Variants in ZNF654 observed in about 807,000 individuals in gnomAD.
ZNF654 encodes melanoma-associated antigen.
A neutral mutation model predicts 95.3 loss-of-function variants in ZNF654; 19 were observed. The observed-to-expected ratio is 0.20, with a 90% CI of 0.14 to 0.29. ZNF654 has a LOEUF of 0.29. Among genes scored for constraint, ZNF654 ranks in the 10% least tolerant of loss-of-function variants. The pLI is 1.00. For synonymous variants in ZNF654, 413 were observed against 457.9 expected, an observed-to-expected ratio of 0.90 and a Z score of 1.25; for missense variants, 1,046 against 1,341.0, an observed-to-expected ratio of 0.78 and a Z score of 3.44.
chr3:88,122,605 A>C (rs1705835136), intron 3 of ZNF654, among the ~76,000 whole-genome samples: 1 of 152,210 alleles, frequency 6.6e-6, no homozygotes. Context: ...TAAGGGGATT[A>C]TATTTAGCAC....
intron 7 of ZNF654, among the ~76,000 whole-genome samples, chr3:88,136,910 G>A (rs994650452): frequency 1.3e-5 from 2 of 152,050 alleles, no homozygotes; most frequent in Non-Finnish European, 2.9e-5. Context: ...GATAGAGGAT[G>A]TAGGCTGGGC....
intron 7 of ZNF654, 145 bp from the exon 8 acceptor site, chr3:88,138,556 TAAAC>T (rs879376077): frequency 2.1e-4 from 89 of 432,956 alleles, no homozygotes; most frequent in Admixed American, 1.0e-3. Flanking sequence ...TTAAAAGAGT[TAAAC>T]AAGGCTACTA....
At chr3:88,098,581 A>C (rs1704206718) in intron 2 of ZNF654, among the ~76,000 whole-genome samples, 1 of 152,238 alleles carries the variant, frequency 6.6e-6, no homozygotes, top group Non-Finnish European at 1.5e-5. Flanking sequence ...AAAAATCCTC[A>C]GTAAAATACT....
At chr3:88,081,207 T>G (rs1708058526) in intron 1 of ZNF654, among the ~76,000 whole-genome samples, 3 of 152,238 alleles carry the variant, frequency 2.0e-5, no homozygotes, top group African/African-American at 7.2e-5. Flanking sequence ...TCTTTCTCAA[T>G]GTATTGTTAT....
At chr3:88,124,344 T>C (rs1351466418) in intron 3 of ZNF654, among the ~76,000 whole-genome samples, 1 of 152,212 alleles carries the variant, frequency 6.6e-6, no homozygotes, top group African/African-American at 2.4e-5. Context: ...GCTTGATTGC[T>C]TAATTTGGGA....
chr3:88,064,131 C>A (rs1354512643), intron 1 of ZNF654, among the ~76,000 whole-genome samples: 1 of 146,792 alleles, frequency 6.8e-6, no homozygotes. Context: ...TTTGCCACAG[C>A]TTATAACAAA....
Position 88,142,327 on chromosome 3 carries a change from T to C in ZNF654, c.*675T>C, listed in dbSNP as rs1423506820. 6.6e-6 allele frequency: 1 copy of C among 151,698 alleles called. No homozygotes were observed. The highest frequency in any genetic ancestry group is 2.4e-5 in the African/African-American group (1 of 41,274). 9.4% of individuals were successfully genotyped at this position (151,698 alleles called of 1,614,324 possible). ...AAACCACAGTGCTTTGCTAATAAGC[T>C]CTTGATAGAACCTCCCACTAACCAC... On this transcript the variant is annotated 3_prime_UTR_variant, in exon 9 of 9. Coordinates refer to ENST00000636215, the MANE Select transcript of ZNF654 (RefSeq NM_001350134.2).
At chr3:88,137,218 A>AG (rs1369147796) in intron 7 of ZNF654, among the ~76,000 whole-genome samples, 2 of 149,976 alleles carry the variant, frequency 1.3e-5, no homozygotes, top group Admixed American at 6.6e-5. Flanking sequence ...AAAAAAAAAA[A>AG]GGATGTAGAT....
At chr3:88,070,463 C>G (rs537580170) in intron 1 of ZNF654, among the ~76,000 whole-genome samples, 1 of 149,580 alleles carries the variant, frequency 6.7e-6, no homozygotes, top group African/African-American at 2.5e-5. Context: ...TTAAGAATTT[C>G]AAAACTTGCC....
At chr3:88,074,176 C>G (rs1178544151) in intron 1 of ZNF654, among the ~76,000 whole-genome samples, 1 of 152,116 alleles carries the variant, frequency 6.6e-6, no homozygotes, top group Non-Finnish European at 1.5e-5. Context: ...TCTTCCCCTT[C>G]TAGAGTATTA....
chr3:88,063,180 C>T (rs1706984400), intron 1 of ZNF654, among the ~76,000 whole-genome samples: 1 of 152,156 alleles, frequency 6.6e-6, no homozygotes, highest in Non-Finnish European at 1.5e-5. Context: ...TGCTACTGAA[C>T]ATCCTGCAGT....
chr3:88,086,159 C>G, intron 1 of ZNF654, 98 bp from the exon 2 acceptor site: 9 of 1,119,772 alleles, frequency 8.0e-6, no homozygotes, highest in Middle Eastern at 3.0e-4. Context: ...TCATGCCGAT[C>G]TAATATTTTA....
rs539171425 is a variant in ZNF654, at chr3:88,109,663, C to T, written c.333-3452C>T. Among the ~76,000 whole-genome samples, 16 of 152,176 alleles carry T rather than the reference C, an allele frequency of 1.1e-4. 1 individual carries two copies. The highest frequency in any genetic ancestry group is 5.9e-4 in the Admixed American group (9 of 15,272). On this transcript the variant is annotated intron_variant, in intron 2 of 8. Transcript: ENST00000636215. ...AGTAGACCTGCACAGTTTAAATCTGCGTTATTCAAGGGGGAACTGTAAATC... is the reference window on the plus strand; with the variant it reads ...AGTAGACCTGCACAGTTTAAATCTGTGTTATTCAAGGGGGAACTGTAAATC...
chr3:88,115,264 T>G (rs1290000429), intron 3 of ZNF654, among the ~76,000 whole-genome samples: 2 of 152,204 alleles, frequency 1.3e-5, no homozygotes, highest in Middle Eastern at 3.2e-3. Context: ...TTTGTTGGAT[T>G]TGAGTTAACT....
At chr3:88,064,374 C>G (rs931755588) in intron 1 of ZNF654, among the ~76,000 whole-genome samples, 1 of 152,124 alleles carries the variant, frequency 6.6e-6, no homozygotes, top group Non-Finnish European at 1.5e-5. Context: ...GATTATACCC[C>G]GTTTTTGTTT....
chr3:88,126,896 C>T (rs1002061689), intron 4 of ZNF654, among the ~76,000 whole-genome samples: 1 of 152,108 alleles, frequency 6.6e-6, no homozygotes, highest in African/African-American at 2.4e-5. Context: ...ACCCTTACTA[C>T]CTGCATATTT....
chr3:88,135,278 A>G, intron 7 of ZNF654, 76 bp downstream of exon 7: 2 of 1,191,930 alleles, frequency 1.7e-6, no homozygotes, highest in Non-Finnish European at 2.2e-6. Flanking sequence ...TTTTGATAAA[A>G]TTTATTTGAT....
intron 2 of ZNF654, among the ~76,000 whole-genome samples, chr3:88,090,720 A>G (rs1459647701): frequency 6.6e-6 from 1 of 152,190 alleles, no homozygotes; most frequent in East Asian, 1.9e-4. Flanking sequence ...CATTCATGGT[A>G]AGTGCCCTGT....
chr3:88,085,383 T>A (rs531330404), intron 1 of ZNF654, among the ~76,000 whole-genome samples: 5 of 152,352 alleles, frequency 3.3e-5, no homozygotes, highest in Non-Finnish European at 7.3e-5. Context: ...TTTATAGATA[T>A]TGAAATTTGA....
Sources: allele counts gnomAD v4.1 joint callset (sites outside exome capture counted in the v4.1 genomes callset), GRCh38; gene constraint gnomAD v4.1.1; transcripts MANE v1.5; gene names NCBI Gene and HGNC (gene_info 2026-07-23, HGNC 2026-07-21).